The following GALNT13 variants were observed in gnomAD, a reference collection of about 807,000 sequenced individuals.
The protein encoded by GALNT13 is UDP-GalNAc:polypeptide N-acetylgalactosaminyltransferase 13.
In GALNT13, 28 loss-of-function variants were observed where a neutral mutation model predicts 64.2. That is an observed-to-expected ratio of 0.44 (90% CI 0.32 to 0.60). The LOEUF (loss-of-function observed/expected upper bound fraction) is 0.60, where lower values mean the gene tolerates loss of function less well. Ranked by LOEUF, GALNT13 falls within the 20% of genes least tolerant of loss-of-function variation. The probability of loss-of-function intolerance (pLI) is 0.05; values close to 1 mark genes in which losing one functional copy is unlikely to be tolerated. For synonymous variants in GALNT13, 214 were observed against 224.6 expected (o/e 0.95, Z 0.42); for missense variants, 577 against 669.8 (o/e 0.86, Z 1.53).
the GALNT13 span, among the ~76,000 whole-genome samples, chr2:153,350,700 T>C: frequency 6.6e-6 from 1 of 152,104 alleles, no homozygotes; most frequent in Non-Finnish European, 1.5e-5. Flanking sequence ...GTCAAGTTTC[T>C]AATTAATATT....
intron 11 of GALNT13, among the ~76,000 whole-genome samples, chr2:154,425,549 C>T (rs1700433727): frequency 6.6e-6 from 1 of 152,086 alleles, no homozygotes; most frequent in Non-Finnish European, 1.5e-5. Context: ...AGTGTTCTTG[C>T]CTTGAAATAT....
At chr2:154,198,550 T>C (rs1401991260) in intron 4 of GALNT13, among the ~76,000 whole-genome samples, 1 of 151,950 alleles carries the variant, frequency 6.6e-6, no homozygotes, top group Non-Finnish European at 1.5e-5. Context: ...ACAGAAAATT[T>C]GGGTGGACAA....
the GALNT13 span, among the ~76,000 whole-genome samples, chr2:153,280,082 G>C: frequency 6.6e-6 from 1 of 152,024 alleles, no homozygotes; most frequent in Non-Finnish European, 1.5e-5. Flanking sequence ...ATTTATTCCT[G>C]ATTCAGTCTT....
Position 153,946,480 on chromosome 2 carries a change from A to C in GALNT13, c.142+1841A>C, listed in dbSNP as rs1691752674. Among the ~76,000 whole-genome samples, 3 of 152,160 alleles carry C rather than the reference A, an allele frequency of 2.0e-5. No individual in the cohort carries two copies. The South Asian group carries it at 6.2e-4, about 31-fold the overall frequency. ...AAAAATATAGACTTGGTGGCTAACA[A>C]GGAACAGACATTTATTTCTTACAAT... is the stretch of plus-strand genomic sequence containing the variant. On this transcript the variant is annotated intron_variant, in intron 3 of 12. Coordinates refer to ENST00000392825, the MANE Select transcript of GALNT13 (RefSeq NM_052917.4).
At chr2:153,300,591 C>CCAAT in the GALNT13 span, among the ~76,000 whole-genome samples, 1 of 152,162 alleles carries the variant, frequency 6.6e-6, no homozygotes, top group Non-Finnish European at 1.5e-5. Context: ...TTTCCTCAAA[C>CCAAT]CAATGTCATT....
At chr2:153,894,451 C>A (rs1687760653) in intron 1 of GALNT13, among the ~76,000 whole-genome samples, 1 of 151,716 alleles carries the variant, frequency 6.6e-6, no homozygotes, top group African/African-American at 2.4e-5. Flanking sequence ...TCAGGGGATT[C>A]TGATTTGTCA....
chr2:154,389,324 AG>A (rs1698668384), intron 9 of GALNT13, among the ~76,000 whole-genome samples: 1 of 152,230 alleles, frequency 6.6e-6, no homozygotes, highest in Middle Eastern at 3.4e-3. Flanking sequence ...TTTTTAGTAG[AG>A]ACAGGGTATC....
chr2:154,169,907 G>A (rs1376506764), intron 4 of GALNT13, among the ~76,000 whole-genome samples: 1 of 152,096 alleles, frequency 6.6e-6, no homozygotes, highest in African/African-American at 2.4e-5. Context: ...GAGTAAGAGA[G>A]AGAGAACCCA....
the GALNT13 span, among the ~76,000 whole-genome samples, chr2:153,838,782 A>T: frequency 6.6e-6 from 1 of 151,528 alleles, no homozygotes; most frequent in Admixed American, 6.6e-5. Flanking sequence ...TTGTGCTTCC[A>T]CACAAATTTT....
chr2:153,799,797 A>G, the GALNT13 span, among the ~76,000 whole-genome samples: 1 of 152,106 alleles, frequency 6.6e-6, no homozygotes, highest in Non-Finnish European at 1.5e-5. Context: ...TTCCTTAGCC[A>G]TGGGAATGAT....
chr2:153,117,790 C>T, the GALNT13 span, among the ~76,000 whole-genome samples: 1 of 152,154 alleles, frequency 6.6e-6, no homozygotes, highest in African/African-American at 2.4e-5. Flanking sequence ...TTCCTCCTCC[C>T]TTCCACTAAC....
At chr2:154,124,376 C>G (rs1057385461) in intron 3 of GALNT13, among the ~76,000 whole-genome samples, 4 of 151,974 alleles carry the variant, frequency 2.6e-5, no homozygotes, top group African/African-American at 9.7e-5. Context: ...TATTAAATTA[C>G]TCTGATGTAG....
chr2:154,358,203 A>T (rs1696858174), intron 9 of GALNT13, among the ~76,000 whole-genome samples: 2 of 152,158 alleles, frequency 1.3e-5, no homozygotes, highest in Admixed American at 1.3e-4. Context: ...CTTACCATGG[A>T]AGTGTGATCC....
the GALNT13 span, among the ~76,000 whole-genome samples, chr2:153,284,281 C>A: frequency 6.6e-6 from 1 of 152,290 alleles, no homozygotes; most frequent in South Asian, 2.1e-4. Context: ...AACCGCAGAT[C>A]TCTTCCTGCT....
At chr2:154,429,734 G>A (rs1015806639) in intron 11 of GALNT13, among the ~76,000 whole-genome samples, 3 of 152,184 alleles carry the variant, frequency 2.0e-5, no homozygotes, top group Admixed American at 6.5e-5. Flanking sequence ...CTAGAAAAGC[G>A]AAGTCATTGC....
chr2:153,411,766 G>A, the GALNT13 span, among the ~76,000 whole-genome samples: 1 of 152,174 alleles, frequency 6.6e-6, no homozygotes, highest in Non-Finnish European at 1.5e-5. Context: ...CATAAGCATG[G>A]TAGAAATGCT....
chr2:153,258,274 A>C, the GALNT13 span, among the ~76,000 whole-genome samples: 48 of 152,322 alleles, frequency 3.2e-4, no homozygotes, highest in African/African-American at 1.1e-3. Context: ...AATCGAGCTC[A>C]GTGGCTTCCC....
the GALNT13 span, among the ~76,000 whole-genome samples, chr2:153,327,033 G>A: frequency 3.3e-5 from 5 of 152,102 alleles, no homozygotes; most frequent in East Asian, 9.7e-4. Context: ...GCAGTGAGCC[G>A]AGATAGGGCC....
chr2:154,367,996 G>A (rs1192292921), intron 9 of GALNT13, among the ~76,000 whole-genome samples: 3 of 152,116 alleles, frequency 2.0e-5, no homozygotes, highest in African/African-American at 4.8e-5. Context: ...TGTAGTATTT[G>A]ATTGAAAACC....
Sources: allele counts gnomAD v4.1 joint callset (sites outside exome capture counted in the v4.1 genomes callset), GRCh38; gene constraint gnomAD v4.1.1; transcripts MANE v1.5; gene names NCBI Gene and HGNC (gene_info 2026-07-23, HGNC 2026-07-21).